The following C4BPA variants were observed in gnomAD, a reference collection of about 807,000 sequenced individuals.
C4BPA encodes the protein C4b-binding protein alpha chain.
C4BPA carries 31 observed loss-of-function variants against 63.7 expected under a neutral mutation model. The observed-to-expected ratio is 0.49, with a 90% CI of 0.37 to 0.66. C4BPA has a LOEUF of 0.66. C4BPA is among the 30% of genes least tolerant of loss of function. C4BPA has a pLI of 0.00. For synonymous variants in C4BPA, 259 were observed against 254.7 expected, an observed-to-expected ratio of 1.02 and a Z score of -0.16; for missense variants, 572 against 723.3, an observed-to-expected ratio of 0.79 and a Z score of 2.40.
chr1:207,124,586 G>T (rs1684996006), intron 6 of C4BPA, among the ~76,000 whole-genome samples: 1 of 152,154 alleles, frequency 6.6e-6, no homozygotes, highest in Non-Finnish European at 1.5e-5. Context: ...AACAGTATAT[G>T]GGAACAAACA....
At chr1:207,117,648 A>G (rs1434863674) in intron 4 of C4BPA, among the ~76,000 whole-genome samples, 2 of 152,212 alleles carry the variant, frequency 1.3e-5, no homozygotes, top group African/African-American at 2.4e-5. Flanking sequence ...TAACAAGTAC[A>G]TAGGAAACTT....
intron 1 of C4BPA, among the ~76,000 whole-genome samples, chr1:207,104,708 A>C (rs1684525052): frequency 6.6e-6 from 1 of 152,236 alleles, no homozygotes; most frequent in African/African-American, 2.4e-5. Flanking sequence ...TGCTCTTGTT[A>C]CTGTATCTAA....
chr1:207,120,121 C>T (rs1392184498), intron 4 of C4BPA, among the ~76,000 whole-genome samples: 2 of 152,126 alleles, frequency 1.3e-5, no homozygotes, highest in Non-Finnish European at 2.9e-5. Context: ...TTTTTCCCTT[C>T]ATTATCAGGA....
chr1:207,122,849 C>T (rs1042073160), intron 4 of C4BPA, among the ~76,000 whole-genome samples: 8 of 152,204 alleles, frequency 5.3e-5, no homozygotes, highest in African/African-American at 1.4e-4. Flanking sequence ...ACTGGTATTA[C>T]AGGAGTAAGC....
At chr1:207,131,300 T>G (rs1685153313) in intron 7 of C4BPA, among the ~76,000 whole-genome samples, 1 of 152,210 alleles carries the variant, frequency 6.6e-6, no homozygotes, top group African/African-American at 2.4e-5. Context: ...GAATTAAAAT[T>G]ATTATACTTG....
intron 10 of C4BPA, among the ~76,000 whole-genome samples, chr1:207,141,635 AG>A (rs1010259114): frequency 7.2e-5 from 11 of 152,126 alleles, no homozygotes; most frequent in African/African-American, 2.7e-4. Flanking sequence ...GGCTCCCCTG[AG>A]TGAATTCTAA....
At chr1:207,120,851 C>T (rs1684907343) in intron 4 of C4BPA, among the ~76,000 whole-genome samples, 1 of 152,208 alleles carries the variant, frequency 6.6e-6, no homozygotes, top group South Asian at 2.1e-4. Context: ...CTCTATCACA[C>T]AGGCTGGAGT....
At chr1:207,131,828 T>C in intron 8 of C4BPA, 88 bp downstream of exon 8, 7 of 875,984 alleles carry the variant, frequency 8.0e-6, no homozygotes, top group Non-Finnish European at 1.2e-5. Flanking sequence ...ATTTTATCCC[T>C]CACAACAAGT....
intron 9 of C4BPA, among the ~76,000 whole-genome samples, chr1:207,139,010 C>G (rs1203094109): frequency 1.3e-5 from 2 of 152,092 alleles, no homozygotes; most frequent in East Asian, 3.9e-4. Flanking sequence ...GGATCAATGT[C>G]ATGTTCTGTG....
At chr1:207,124,591 C>A (rs552680897) in intron 6 of C4BPA, among the ~76,000 whole-genome samples, 1 of 152,266 alleles carries the variant, frequency 6.6e-6, no homozygotes, top group Admixed American at 6.5e-5. Flanking sequence ...TATATGGGAA[C>A]AAACAGCAAC....
At chr1:207,104,929 G>A (rs1684527970) in intron 1 of C4BPA, among the ~76,000 whole-genome samples, 1 of 148,124 alleles carries the variant, frequency 6.8e-6, no homozygotes, top group Non-Finnish European at 1.5e-5. Context: ...TTGGTAATAA[G>A]GAGGACACTG....
intron 8 of C4BPA, among the ~76,000 whole-genome samples, chr1:207,131,995 T>C: frequency 6.6e-6 from 1 of 152,158 alleles, no homozygotes; most frequent in East Asian, 1.9e-4. Flanking sequence ...TTATGCAGAT[T>C]ATGTATTAGT....
chr1:207,120,708 C>T (rs891910609), intron 4 of C4BPA, among the ~76,000 whole-genome samples: 4 of 152,162 alleles, frequency 2.6e-5, no homozygotes, highest in South Asian at 2.1e-4. Context: ...TGTTTTATGG[C>T]GCATCATGAT....
At chr1:207,134,915 C>T (rs544389673) in intron 9 of C4BPA, among the ~76,000 whole-genome samples, 2 of 152,324 alleles carry the variant, frequency 1.3e-5, no homozygotes, top group South Asian at 2.1e-4. Context: ...GAAGAACTGT[C>T]GAAATCTATT....
intron 1 of C4BPA, among the ~76,000 whole-genome samples, 183 bp downstream of exon 1, chr1:207,104,613 T>C (rs1684524069): frequency 1.3e-5 from 2 of 152,320 alleles, no homozygotes; most frequent in South Asian, 4.1e-4. Context: ...AAACCCTATC[T>C]GAACCTCAAG....
At position 207,131,740 on chromosome 1, in the gene C4BPA, G is replaced by A; in HGVS notation, c.1084G>A (p.Ala362Thr). The change falls in exon 8 of 12, where the codon GCG becomes ACG. Residue 362 changes from alanine (A) to threonine (T), a missense_variant and splice_region_variant. Coordinates refer to ENST00000367070, the MANE Select transcript of C4BPA (RefSeq NM_000715.4). ...ATGGACCCCATACCAAGGATGTGAG[G>A]GTGAGTTTTTGTTTTTTAATATTTT... The part of the protein sequence containing the change: ...LRWTPYQGCE[A>T]LCCPEPKLNN... 6.2e-7 allele frequency: 1 copy of A among 1,602,834 alleles called. No homozygotes were observed. Among genetic ancestry groups the A allele is most frequent in the Non-Finnish European group, 8.5e-7 (1 of 1,174,998 alleles).
intron 1 of C4BPA, among the ~76,000 whole-genome samples, chr1:207,109,288 A>T (rs17020832): frequency 0.061 from 9,274 of 152,124 alleles, 812 homozygotes; most frequent in African/African-American, 0.19. Context: ...TGCAATTTTA[A>T]ATCATTATGA....
chr1:207,118,678 C>T (rs1168044173), intron 4 of C4BPA, among the ~76,000 whole-genome samples: 1 of 152,146 alleles, frequency 6.6e-6, no homozygotes, highest in Non-Finnish European at 1.5e-5. Flanking sequence ...GGGACACAGC[C>T]AAACCATGTC....
intron 9 of C4BPA, among the ~76,000 whole-genome samples, chr1:207,139,453 A>T (rs1406781295): frequency 1.3e-5 from 2 of 152,058 alleles, no homozygotes; most frequent in African/African-American, 4.8e-5. Context: ...CTTTAAATTT[A>T]CTTTATTTGC....
Sources: gnomAD v4.1 joint callset for allele counts (sites outside exome capture counted in the v4.1 genomes callset) on GRCh38, gnomAD v4.1.1 for gene constraint, MANE v1.5 for transcripts, NCBI Gene and HGNC (gene_info 2026-07-23, HGNC 2026-07-21) for gene names.